RBFOX1: variants seen among roughly 807,000 people sequenced by gnomAD.
RBFOX1 encodes RNA binding fox-1 homolog 1, also known as RNA binding protein fox-1 homolog 1.
RBFOX1 carries 8 observed loss-of-function variants against 57.7 expected under a neutral mutation model. The observed-to-expected ratio is 0.14, with a 90% confidence interval of 0.08 to 0.25. The LOEUF is 0.25. RBFOX1 is among the 10% of genes least tolerant of loss of function. The pLI, the probability that RBFOX1 is intolerant of heterozygous loss-of-function variation, is 1.00. For missense variants in RBFOX1, 611 were observed against 548.5 expected, an observed-to-expected ratio of 1.11 and a Z score of -1.14; for synonymous variants, 326 against 222.4, an observed-to-expected ratio of 1.47 and a Z score of -4.15.
At chr16:5,581,269 A>G (rs1355538250) in intron 2 of RBFOX1, among the ~76,000 whole-genome samples, 1 of 152,182 alleles carries the variant, frequency 6.6e-6, no homozygotes, top group Non-Finnish European at 1.5e-5. Flanking sequence ...GGACTGTGCT[A>G]AGTTCTACAA....
chr16:7,559,570 A>C (rs1193854078), intron 5 of RBFOX1, among the ~76,000 whole-genome samples: 1 of 152,200 alleles, frequency 6.6e-6, no homozygotes, highest in Non-Finnish European at 1.5e-5. Flanking sequence ...AATTGTGTGC[A>C]AACCCTGATA....
At chr16:6,867,729 C>A (rs1348844593) in intron 3 of RBFOX1, among the ~76,000 whole-genome samples, 1 of 152,070 alleles carries the variant, frequency 6.6e-6, no homozygotes, top group East Asian at 1.9e-4. Context: ...AGAAAGGGAT[C>A]CAACAGATAT....
intron 4 of RBFOX1, among the ~76,000 whole-genome samples, chr16:7,234,324 A>G (rs749498639): frequency 2.0e-5 from 3 of 152,130 alleles, no homozygotes; most frequent in Non-Finnish European, 4.4e-5. Context: ...GGTGTTGTGT[A>G]TAATACAGTG....
At chr16:6,574,104 G>T (rs565226086) in intron 2 of RBFOX1, among the ~76,000 whole-genome samples, 15 of 152,174 alleles carry the variant, frequency 9.9e-5, no homozygotes, top group Non-Finnish European at 1.6e-4. Flanking sequence ...CGATGAGAGG[G>T]AAACACTTGA....
intron 4 of RBFOX1, among the ~76,000 whole-genome samples, chr16:7,255,261 C>T (rs1404001342): frequency 6.6e-6 from 1 of 152,138 alleles, no homozygotes; most frequent in Non-Finnish European, 1.5e-5. Flanking sequence ...CCAAAAATTG[C>T]CTGACCTTAA....
chr16:6,425,038 C>T (rs1326098682), intron 2 of RBFOX1, among the ~76,000 whole-genome samples: 1 of 152,154 alleles, frequency 6.6e-6, no homozygotes, highest in East Asian at 1.9e-4. Context: ...TAAATATTTT[C>T]ACTATGTGTT....
In RBFOX1 at chr16:7,710,860, A is replaced by C. The variant is rs1410675421; in HGVS notation, c.*115A>C. On this transcript the variant is annotated 3_prime_UTR_variant, in exon 16 of 16. Coordinates refer to ENST00000550418, the MANE Select transcript of RBFOX1 (RefSeq NM_018723.4). ...TAGCAACTCTAAAAAAAAAAAAAAT[A>C]CAAATAAAAAGGAAAAAAAATTACA... The C allele has an allele frequency of 9.7e-7, 1 of 1,026,856 alleles. No individual in the cohort carries two copies. The highest frequency in any genetic ancestry group is 3.7e-5 in the South Asian group (1 of 27,192). 63.6% of individuals were successfully genotyped at this position (1,026,856 alleles called of 1,614,324 possible).
chr16:5,966,981 T>G (rs889496596), intron 4 of RBFOX1, among the ~76,000 whole-genome samples: 1 of 95,856 alleles, frequency 1.0e-5, no homozygotes, highest in Non-Finnish European at 2.0e-5. Flanking sequence ...TTGTCTTTCT[T>G]GCACTAAATC....
In RBFOX1 at chr16:7,052,033, C is replaced by T. The variant is rs769705737; in HGVS notation, c.-15-24C>T. On this transcript the variant is annotated intron_variant, in intron 3 of 15. Transcript: ENST00000550418. ...CTGATCCGGAGCCTTCTGACTTTTC[C>T]CCTTCATTTTCTTTTCTTTCTAGGT... is the stretch of plus-strand genomic sequence containing the variant. 8.3e-6 allele frequency: 13 copies of T among 1,563,442 alleles called. No individual in the cohort carries two copies. The East Asian group carries it at 3.1e-4, about 38-fold the overall frequency.
intron 4 of RBFOX1, among the ~76,000 whole-genome samples, chr16:7,362,784 G>C (rs772246134): frequency 6.6e-6 from 1 of 152,164 alleles, no homozygotes; most frequent in South Asian, 2.1e-4. Context: ...ATATGTGTGT[G>C]TGTGCATTTC....
At chr16:6,330,421 C>G (rs576955011) in intron 2 of RBFOX1, among the ~76,000 whole-genome samples, 24 of 152,182 alleles carry the variant, frequency 1.6e-4, no homozygotes, top group Non-Finnish European at 3.2e-4. Context: ...TGATTCTGTT[C>G]AAACCCTCTA....
chr16:5,989,770 G>A (rs1322701668), intron 4 of RBFOX1, among the ~76,000 whole-genome samples: 2 of 151,106 alleles, frequency 1.3e-5, no homozygotes, highest in Non-Finnish European at 2.9e-5. Flanking sequence ...AATGATCCTG[G>A]GCTAAGTCAT....
intron 13 of RBFOX1, among the ~76,000 whole-genome samples, chr16:7,666,646 G>C (rs1020556694): frequency 2.0e-5 from 3 of 152,168 alleles, no homozygotes; most frequent in Admixed American, 6.5e-5. Context: ...ATTTAAGTGA[G>C]TGCGAGTGTG....
chr16:7,487,850 G>C (rs1241022734), intron 4 of RBFOX1, among the ~76,000 whole-genome samples: 4 of 152,136 alleles, frequency 2.6e-5, no homozygotes, highest in Admixed American at 2.0e-4. Flanking sequence ...AAAAGCTGCA[G>C]CTTAATGAAG....
chr16:7,205,120 C>G (rs909663876), intron 4 of RBFOX1, among the ~76,000 whole-genome samples: 1 of 152,208 alleles, frequency 6.6e-6, no homozygotes, highest in South Asian at 2.1e-4. Flanking sequence ...CTCCTCCCAC[C>G]TCCCTTCACT....
chr16:6,582,089 T>C (rs1411365067), intron 2 of RBFOX1, among the ~76,000 whole-genome samples: 3 of 152,180 alleles, frequency 2.0e-5, no homozygotes, highest in African/African-American at 4.8e-5. Context: ...CAAAGAATTA[T>C]TGGGTTCAAA....
intron 4 of RBFOX1, among the ~76,000 whole-genome samples, chr16:7,506,979 A>G (rs1047953769): frequency 1.3e-5 from 2 of 152,174 alleles, no homozygotes; most frequent in Non-Finnish European, 2.9e-5. Context: ...TATAAAATAC[A>G]TTCCAGTAGA....
intron 4 of RBFOX1, among the ~76,000 whole-genome samples, chr16:7,071,615 G>A (rs188420851): frequency 0.025 from 3,593 of 146,518 alleles, 63 homozygotes; most frequent in Middle Eastern, 0.036. Flanking sequence ...GTGTGTGTGT[G>A]TGTTTGTCTG....
intron 4 of RBFOX1, among the ~76,000 whole-genome samples, chr16:7,143,742 T>C (rs2074330601): frequency 1.3e-5 from 2 of 152,120 alleles, no homozygotes; most frequent in Admixed American, 6.6e-5. Context: ...CATGGGTTTA[T>C]TGGTTCATTT....
Sources: allele counts gnomAD v4.1 joint callset (sites outside exome capture counted in the v4.1 genomes callset), GRCh38; gene constraint gnomAD v4.1.1; transcripts MANE v1.5; gene names NCBI Gene and HGNC (gene_info 2026-07-23, HGNC 2026-07-21).